The following ARHGEF7 variants were observed in gnomAD, a reference collection of about 807,000 sequenced individuals.
ARHGEF7 encodes Rho guanine nucleotide exchange factor 7.
A neutral mutation model predicts 109.8 loss-of-function variants in ARHGEF7; 33 were observed. The observed-to-expected ratio is 0.30, with a 90% CI of 0.23 to 0.40. The LOEUF is 0.40. Among genes scored for constraint, ARHGEF7 ranks in the 10% least tolerant of loss-of-function variants. The pLI is 1.00. For missense variants in ARHGEF7, 938 were observed against 1,098.5 expected (o/e 0.85, Z 2.07); for synonymous variants, 458 against 424.6 (o/e 1.08, Z -0.97).
chr13:111,153,066 C>T (rs77935145), intron 1 of ARHGEF7, among the ~76,000 whole-genome samples: 1,977 of 152,346 alleles, frequency 0.013, 38 homozygotes, highest in African/African-American at 0.045. Context: ...TCATGAAGCG[C>T]GTGGCTTATA....
intron 8 of ARHGEF7, among the ~76,000 whole-genome samples, chr13:111,256,863 T>A (rs2090485594): frequency 6.6e-6 from 1 of 152,216 alleles, no homozygotes; most frequent in African/African-American, 2.4e-5. Context: ...GTCCAGCTTC[T>A]CCACCAGCAC....
rs1207976026 is a variant in ARHGEF7, at chr13:111,272,967, A to G, written c.1074-847A>G. On this transcript the variant is annotated intron_variant, in intron 9 of 21. Transcript: ENST00000646102. This position sits in a 1 kb window ranked among gnomAD's most constrained non-coding sequence, Gnocchi z 5.2. The stretch of plus-strand genomic sequence containing the variant: ...AACTCTGAGGACAAAGATGACACAC[A>G]TGAGGACCCACTGTAGGGAAAGATA... Among the ~76,000 whole-genome samples the G allele has an allele frequency of 6.6e-6, 1 of 152,202 alleles. No homozygotes were observed. Among genetic ancestry groups the G allele is most frequent in the Non-Finnish European group, 1.5e-5 (1 of 68,024 alleles).
chr13:111,283,426 GC>G lies in ARHGEF7; in HGVS notation c.1950+66del, dbSNP rs34679816. The G allele has an allele frequency of 4.6e-6, 7 of 1,515,820 alleles. No individual in the cohort carries two copies. In the African/African-American group the frequency reaches 5.5e-5, roughly 12 times the overall value. The allele number at this position is 1,515,820 out of a possible 1,614,324, so 93.9% of individuals were successfully genotyped here. A position where few individuals can be genotyped will look rare whatever the true frequency, so the allele number is the denominator to read the frequency against. On this transcript the variant is annotated intron_variant, in intron 16 of 21. Transcript: ENST00000646102. Reference sequence around the variant, plus strand: ...TGAGCATGCCTCGGGCCCTGGGTGTGCCCACGTGCTGGGCCTTCTGTGTACA... The same window carrying G: ...TGAGCATGCCTCGGGCCCTGGGTGTGCCACGTGCTGGGCCTTCTGTGTACA...
rs1566929050 is a variant in ARHGEF7 at position 111,239,351 on chromosome 13, C to A, written c.760-4521C>A. On this transcript the variant is annotated intron_variant, in intron 6 of 21. Coordinates refer to ENST00000646102, the MANE Select transcript of ARHGEF7 (RefSeq NM_001354046.2). The surrounding 1 kb of genome is among the most constrained non-coding windows in gnomAD (Gnocchi z 4.3). ...TAAAACGGTTATGTATCCTTAGATG[C>A]CATCACACACATCCACGGGCCTTTC... Among the ~76,000 whole-genome samples, 1 of 152,152 alleles carries A rather than the reference C, an allele frequency of 6.6e-6. No individual in the cohort carries two copies.
At chr13:111,194,017 T>A (rs1358511193) in intron 2 of ARHGEF7, among the ~76,000 whole-genome samples, 5 of 152,164 alleles carry the variant, frequency 3.3e-5, no homozygotes, top group Non-Finnish European at 5.9e-5. Context: ...GCCATTTACA[T>A]CATGAGTAGT....
intron 8 of ARHGEF7, 74 bp from the exon 9 acceptor site, chr13:111,267,474 T>C: frequency 1.9e-6 from 3 of 1,586,654 alleles, no homozygotes; most frequent in Non-Finnish European, 2.6e-6. Context: ...CTCAGAGTAT[T>C]ATATGTCTGT....
chr13:111,116,560 G>A (rs1456144664), intron 1 of ARHGEF7: 20 of 151,648 alleles, frequency 1.3e-4, no homozygotes, highest in African/African-American at 4.6e-4. Flanking sequence ...TGTTTCTTCG[G>A]GGGGTGGGGT....
chr13:111,133,799 ATATATAT>A (rs2074936914), intron 1 of ARHGEF7, among the ~76,000 whole-genome samples: 2 of 37,810 alleles, frequency 5.3e-5, no homozygotes, highest in African/African-American at 1.4e-4. Context: ...ATATATATAT[ATATATAT>A]ATATATATTT....
At chr13:111,277,778 T>G (rs1360813325) in intron 13 of ARHGEF7, 105 bp downstream of exon 13, 1 of 782,564 alleles carries the variant, frequency 1.3e-6, no homozygotes, top group African/African-American at 1.7e-5. Context: ...GTGTATGTGC[T>G]GTGTGTGTAG....
chr13:111,292,979 C>T (rs1040067311), intron 19 of ARHGEF7: 4 of 985,322 alleles, frequency 4.1e-6, no homozygotes, highest in African/African-American at 1.7e-5. Flanking sequence ...GCGTTGTGGC[C>T]GTGAAGTGGG....
intron 2 of ARHGEF7, among the ~76,000 whole-genome samples, chr13:111,177,794 G>A (rs950382785): frequency 6.6e-6 from 1 of 152,182 alleles, no homozygotes; most frequent in Non-Finnish European, 1.5e-5. Flanking sequence ...ACATGCTATT[G>A]AACAAGGATG....
chr13:111,209,801 C>G, intron 3 of ARHGEF7, 71 bp from the exon 4 acceptor site: 1 of 1,546,954 alleles, frequency 6.5e-7, no homozygotes, highest in Non-Finnish European at 8.8e-7. Flanking sequence ...GTTTTAAAGT[C>G]TAGTGTGTAG....
intron 3 of ARHGEF7, among the ~76,000 whole-genome samples, chr13:111,206,757 C>G (rs1286010305): frequency 6.6e-6 from 1 of 151,612 alleles, no homozygotes; most frequent in Non-Finnish European, 1.5e-5. Context: ...GTCAGGAGAT[C>G]GAGACCATCC....
intron 18 of ARHGEF7, among the ~76,000 whole-genome samples, chr13:111,289,604 A>G (rs1027756969): frequency 6.6e-6 from 1 of 151,994 alleles, no homozygotes; most frequent in Admixed American, 6.5e-5. Flanking sequence ...ACTTAATCTC[A>G]CTTGCTCGTT....
chr13:111,152,556 A>G (rs185081574), intron 1 of ARHGEF7, among the ~76,000 whole-genome samples: 1 of 152,334 alleles, frequency 6.6e-6, no homozygotes, highest in East Asian at 1.9e-4. Context: ...ATTGCTGAAC[A>G]CTTGGTTTTG....
intron 2 of ARHGEF7, among the ~76,000 whole-genome samples, chr13:111,184,266 C>T (rs1367861973): frequency 2.6e-5 from 4 of 152,112 alleles, no homozygotes; most frequent in Non-Finnish European, 5.9e-5. Context: ...TAACTGTGAG[C>T]CAGTTAAACC....
chr13:111,259,431 G>A (rs1432512059), intron 8 of ARHGEF7, among the ~76,000 whole-genome samples: 1 of 152,200 alleles, frequency 6.6e-6, no homozygotes, highest in African/African-American at 2.4e-5. Flanking sequence ...TTGGGAGAGA[G>A]TAAGGGAAGA....
chr13:111,196,457 A>C (rs1398912736), intron 2 of ARHGEF7, among the ~76,000 whole-genome samples: 14 of 152,214 alleles, frequency 9.2e-5, no homozygotes, highest in Non-Finnish European at 1.5e-5. Context: ...TCTCCAAGTG[A>C]GATCGAAGGT....
chr13:111,184,813 C>T (rs2079086477), intron 2 of ARHGEF7: 2 of 152,636 alleles, frequency 1.3e-5, no homozygotes, highest in South Asian at 2.1e-4. Flanking sequence ...GTTACCGGCC[C>T]CGTGGGCTTC....
Sources: allele counts gnomAD v4.1 joint callset (sites outside exome capture counted in the v4.1 genomes callset), GRCh38; gene constraint gnomAD v4.1.1; non-coding constraint Gnocchi (gnomAD v3.1); transcripts MANE v1.5; gene names NCBI Gene and HGNC (gene_info 2026-07-23, HGNC 2026-07-21).